Variants in FBXL13 observed in about 807,000 individuals in gnomAD.
FBXL13 encodes the protein F-box and leucine-rich repeat protein 13.
In FBXL13, 67 loss-of-function variants were observed where a neutral mutation model predicts 83.6. The ratio of observed to expected loss-of-function variants is 0.80; its 90% CI spans 0.66 to 0.98. The LOEUF is 0.98. FBXL13 is among the 50% of genes least tolerant of loss of function. The pLI is 0.00. For missense variants in FBXL13, 822 were observed against 866.5 expected (o/e 0.95, Z 0.64); for synonymous variants, 272 against 299.5 (o/e 0.91, Z 0.95).
chr7:102,911,320 T>A (rs1814633164), intron 11 of FBXL13, among the ~76,000 whole-genome samples: 1 of 152,188 alleles, frequency 6.6e-6, no homozygotes, highest in South Asian at 2.1e-4. Flanking sequence ...TCATGGTAAC[T>A]GAGAAATTGA....
At chr7:103,016,014 C>T (rs1463689865) in intron 6 of FBXL13, among the ~76,000 whole-genome samples, 1 of 151,996 alleles carries the variant, frequency 6.6e-6, no homozygotes, top group Non-Finnish European at 1.5e-5. Context: ...ACAGAGATGA[C>T]ACAAACAAAT....
chr7:103,036,220 A>C (rs138613403), intron 2 of FBXL13, among the ~76,000 whole-genome samples: 1 of 152,142 alleles, frequency 6.6e-6, no homozygotes, highest in Non-Finnish European at 1.5e-5. Flanking sequence ...TTTCTTCCAC[A>C]AAACCAGTCT....
chr7:102,848,549 C>A (rs1804562178), intron 17 of FBXL13, among the ~76,000 whole-genome samples: 1 of 14,738 alleles, frequency 6.8e-5, no homozygotes, highest in South Asian at 2.4e-3. Flanking sequence ...GAGCGAGACT[C>A]CGTCTCAAAA....
chr7:102,954,831 A>C (rs574947592), intron 8 of FBXL13, among the ~76,000 whole-genome samples: 1 of 152,350 alleles, frequency 6.6e-6, no homozygotes, highest in Non-Finnish European at 1.5e-5. Context: ...CAATTCAACA[A>C]GAAAAGATAA....
chr7:103,071,250 T>A (rs1304977089), intron 1 of FBXL13, among the ~76,000 whole-genome samples: 1 of 151,790 alleles, frequency 6.6e-6, no homozygotes, highest in African/African-American at 2.4e-5. Context: ...CGATTGGAGT[T>A]CCAAAAGGAA....
chr7:102,961,284 T>C (rs1434250423), intron 8 of FBXL13, among the ~76,000 whole-genome samples: 2 of 143,246 alleles, frequency 1.4e-5, no homozygotes, highest in African/African-American at 5.4e-5. Flanking sequence ...ACAAGGGACG[T>C]GAAGGACCTC....
At chr7:102,880,443 T>C (rs1160891467) in intron 14 of FBXL13, among the ~76,000 whole-genome samples, 1 of 152,242 alleles carries the variant, frequency 6.6e-6, no homozygotes, top group East Asian at 1.9e-4. Flanking sequence ...CAGCATTCCA[T>C]TGTTTATTTC....
At chr7:103,024,857 A>ATATATATATT (rs1298384907) in intron 6 of FBXL13, among the ~76,000 whole-genome samples, 3 of 62,854 alleles carry the variant, frequency 4.8e-5, no homozygotes, top group African/African-American at 2.7e-4. Flanking sequence ...ATATATATAT[A>ATATATATATT]TTTTTTTTTT....
At chr7:103,015,877 G>C (rs1792247324) in intron 6 of FBXL13, among the ~76,000 whole-genome samples, 1 of 149,278 alleles carries the variant, frequency 6.7e-6, no homozygotes, top group Admixed American at 6.7e-5. Flanking sequence ...GCCAAATTAA[G>C]AATTCAATTT....
chr7:102,836,622 A>G (rs1802036116), intron 17 of FBXL13, among the ~76,000 whole-genome samples: 1 of 152,238 alleles, frequency 6.6e-6, no homozygotes, highest in East Asian at 1.9e-4. Flanking sequence ...TTTCCCATGT[A>G]TCAGCCAATT....
chr7:103,071,093 T>C (rs111407048), intron 1 of FBXL13, among the ~76,000 whole-genome samples: 15 of 151,626 alleles, frequency 9.9e-5, no homozygotes, highest in African/African-American at 3.6e-4. Flanking sequence ...GGACACAGCA[T>C]AAAACAAAAT....
chr7:103,043,241 C>T (rs1342713948), intron 2 of FBXL13, among the ~76,000 whole-genome samples: 1 of 152,156 alleles, frequency 6.6e-6, no homozygotes, highest in Non-Finnish European at 1.5e-5. Context: ...CACTGGTCAT[C>T]AGAGAAATGC....
chr7:103,063,444 G>A (rs1798110709), intron 1 of FBXL13, among the ~76,000 whole-genome samples: 1 of 152,160 alleles, frequency 6.6e-6, no homozygotes, highest in Non-Finnish European at 1.5e-5. Context: ...GCCAACATCA[G>A]TCTCCAAGGA....
At chr7:102,978,444 G>A (rs1827787788) in intron 6 of FBXL13, 1 of 153,158 alleles carries the variant, frequency 6.5e-6, no homozygotes, top group African/African-American at 2.4e-5. Context: ...AGCAGAAGCA[G>A]GAAGAGAGCC....
intron 8 of FBXL13, among the ~76,000 whole-genome samples, chr7:102,940,383 T>A (rs574863207): frequency 1.3e-4 from 20 of 151,836 alleles, no homozygotes; most frequent in African/African-American, 4.6e-4. Context: ...CTAATTTTTC[T>A]GTATTTTTAG....
intron 7 of FBXL13, among the ~76,000 whole-genome samples, chr7:102,965,744 C>T (rs2129480112): frequency 6.6e-6 from 1 of 152,254 alleles, no homozygotes; most frequent in East Asian, 1.9e-4. Flanking sequence ...AGCAAATAAG[C>T]ATACGTCCCC....
At chr7:102,964,317 A>T (rs544476659) in intron 7 of FBXL13, among the ~76,000 whole-genome samples, 42 of 151,518 alleles carry the variant, frequency 2.8e-4, no homozygotes, top group Middle Eastern at 3.4e-3. Flanking sequence ...ACTCAAAAAA[A>T]AAATAAATAA....
At chr7:102,962,532 G>A (rs1480203253) in intron 8 of FBXL13, among the ~76,000 whole-genome samples, 3 of 152,060 alleles carry the variant, frequency 2.0e-5, no homozygotes, top group South Asian at 2.1e-4. Flanking sequence ...ACACATGCAC[G>A]CATATGTTTA....
At position 102,832,966 on chromosome 7, in the gene FBXL13, G is replaced by A. The variant is rs781581051; in HGVS notation, c.1728C>T (p.Cys576=). The A allele has an allele frequency of 3.1e-6, 5 of 1,613,936 alleles. No individual in the cohort carries two copies. The African/African-American group carries it at 4.0e-5, about 13-fold the overall frequency. ...AATGTTCCAAGATCAGTGAGCTTTT[G>A]CAGAATGCCTGCAAAAAATTCCAAG... The change falls in exon 18 of 20, where the codon TGC becomes TGT. Residue 576 remains cysteine, a synonymous_variant. Transcript: ENST00000313221.
Sources: allele counts gnomAD v4.1 joint callset (sites outside exome capture counted in the v4.1 genomes callset), GRCh38; gene constraint gnomAD v4.1.1; transcripts MANE v1.5; gene names NCBI Gene and HGNC (gene_info 2026-07-23, HGNC 2026-07-21).